The following CIT variants were observed in gnomAD, a reference collection of about 807,000 sequenced individuals.
The protein encoded by CIT is citron Rho-interacting kinase.
Under a neutral mutation model 272.7 loss-of-function variants are expected in CIT, and 79 were observed. The ratio of observed to expected loss-of-function variants is 0.29; its 90% CI spans 0.24 to 0.35. The LOEUF is 0.35. Among genes scored for constraint, CIT ranks in the 10% least tolerant of loss-of-function variants. The probability of loss-of-function intolerance (pLI) is 1.00; values close to 1 mark genes in which losing one functional copy is unlikely to be tolerated. For synonymous variants in CIT, 948 were observed against 995.6 expected, an observed-to-expected ratio of 0.95 and a Z score of 0.90; for missense variants, 1,909 against 2,618.3, an observed-to-expected ratio of 0.73 and a Z score of 5.91.
At chr12:119,738,337 T>C (rs902689667) in intron 24 of CIT, among the ~76,000 whole-genome samples, 15 of 152,104 alleles carry the variant, frequency 9.9e-5, no homozygotes, top group African/African-American at 3.6e-4. Context: ...CAAGGAAAAT[T>C]GTTAGGTCTA....
chr12:119,699,477 G>A (rs1389666340), intron 44 of CIT, among the ~76,000 whole-genome samples: 1 of 152,176 alleles, frequency 6.6e-6, no homozygotes, highest in Admixed American at 6.5e-5. Context: ...ATGGGCTCTG[G>A]TATGCGTGCC....
intron 19 of CIT, among the ~76,000 whole-genome samples, chr12:119,765,998 T>C (rs759325237): frequency 6.6e-6 from 1 of 152,148 alleles, no homozygotes; most frequent in Non-Finnish European, 1.5e-5. Flanking sequence ...CAAGTGTCCA[T>C]CAGCGGATGA....
intron 17 of CIT, 103 bp from the exon 18 acceptor site, chr12:119,771,013 G>A: frequency 1.0e-5 from 14 of 1,403,052 alleles, no homozygotes; most frequent in Non-Finnish European, 1.3e-5. Context: ...ACTCGAGTCA[G>A]GAAGAAAAGT....
At chr12:119,797,686 A>C (rs1045780281) in intron 10 of CIT, among the ~76,000 whole-genome samples, 1 of 152,236 alleles carries the variant, frequency 6.6e-6, no homozygotes, top group African/African-American at 2.4e-5. Flanking sequence ...GGTAGCAAGC[A>C]CAAGGACCAA....
At chr12:119,819,378 C>T (rs1967490938) in intron 9 of CIT, among the ~76,000 whole-genome samples, 1 of 152,148 alleles carries the variant, frequency 6.6e-6, no homozygotes, top group South Asian at 2.1e-4. Flanking sequence ...GAAGCTACGC[C>T]TGACCTCAGT....
Position 119,784,064 on chromosome 12 carries a change from C to T in CIT, c.1402-13G>A. 6.2e-7 allele frequency: 1 copy of T among 1,612,650 alleles called. No individual in the cohort carries two copies. The highest frequency in any genetic ancestry group is 8.5e-7 in the Non-Finnish European group (1 of 1,179,214). Reference sequence around the variant, plus strand: ...TTTCCTGCTCCATCTGAAATAAACACATCGACAGGTTAAAAAGGCCCGTGG... The same window carrying T: ...TTTCCTGCTCCATCTGAAATAAACATATCGACAGGTTAAAAAGGCCCGTGG... On this transcript the variant is annotated splice_polypyrimidine_tract_variant and intron_variant, in intron 11 of 47. Coordinates refer to ENST00000392521, the MANE Select transcript of CIT (RefSeq NM_001206999.2). The surrounding 1 kb of genome is among the most constrained non-coding windows in gnomAD (Gnocchi z 4.7).
chr12:119,759,816 C>G (rs140565853), intron 20 of CIT, among the ~76,000 whole-genome samples: 11 of 152,138 alleles, frequency 7.2e-5, no homozygotes, highest in African/African-American at 2.7e-4. Flanking sequence ...CAAAGTTTCC[C>G]CAACTTAAAA....
At chr12:119,776,452 T>C in intron 14 of CIT, 44 bp from the exon 15 acceptor site, 1 of 1,558,198 alleles carries the variant, frequency 6.4e-7, no homozygotes, top group Non-Finnish European at 8.8e-7. Flanking sequence ...CTCAACAACC[T>C]AAAAAAGTCG....
intron 4 of CIT, among the ~76,000 whole-genome samples, chr12:119,854,475 T>C (rs1970447066): frequency 6.8e-6 from 1 of 146,662 alleles, no homozygotes; most frequent in African/African-American, 2.5e-5. Flanking sequence ...CCGTCTCTAC[T>C]AAAAAGATAC....
rs1162434469 is a variant in CIT at position 119,770,039 on chromosome 12, G to A, written c.2208+746C>T. Among the ~76,000 whole-genome samples, 1 of 152,162 alleles carries A rather than the reference G, an allele frequency of 6.6e-6. No individual in the cohort carries two copies. Among genetic ancestry groups the A allele is most frequent in the Admixed American group, 6.5e-5 (1 of 15,282 alleles). Reference sequence around the variant, plus strand: ...TAGGAATGGACTCCAAGTCATCCTTGAGTCTCAAACATGATGTCAAATTTC... The same window carrying A: ...TAGGAATGGACTCCAAGTCATCCTTAAGTCTCAAACATGATGTCAAATTTC... On this transcript the variant is annotated intron_variant, in intron 18 of 47. Coordinates refer to ENST00000392521, the MANE Select transcript of CIT (RefSeq NM_001206999.2). The surrounding 1 kb of genome is among the most constrained non-coding windows in gnomAD (Gnocchi z 4.4).
intron 5 of CIT, among the ~76,000 whole-genome samples, chr12:119,844,178 T>A (rs139568961): frequency 1.5e-3 from 228 of 152,036 alleles, no homozygotes; most frequent in African/African-American, 5.2e-3. Flanking sequence ...CCCACCATCA[T>A]GCCTGGCTAA....
intron 9 of CIT, among the ~76,000 whole-genome samples, chr12:119,821,978 A>G (rs1180819337): frequency 6.6e-6 from 1 of 152,246 alleles, no homozygotes; most frequent in East Asian, 1.9e-4. Context: ...TGAAGGTGCA[A>G]GCAATTATAA....
chr12:119,813,779 C>T (rs1308804275), intron 9 of CIT, among the ~76,000 whole-genome samples: 1 of 152,188 alleles, frequency 6.6e-6, no homozygotes, highest in Non-Finnish European at 1.5e-5. Context: ...GGAAGCAGTC[C>T]TATGGAAATG....
At chr12:119,802,186 C>A (rs1966258064) in intron 10 of CIT, among the ~76,000 whole-genome samples, 1 of 152,042 alleles carries the variant, frequency 6.6e-6, no homozygotes, top group African/African-American at 2.4e-5. Flanking sequence ...AGCAACTAAC[C>A]CAACATTACC....
In CIT at chr12:119,717,834, C is replaced by CTTTTTTTTTTTTTTTTTTTT. The variant is rs546520444; in HGVS notation, c.4168+410_4168+411insAAAAAAAAAAAAAAAAAAAA. ...GGATGGGGAGCCAGGAGACTGACTT[C>CTTTTTTTTTTTTTTTTTTTT]TTTCTTTTTTTTTTTTTTTTTTTTG... On this transcript the variant is annotated intron_variant, in intron 32 of 47. Coordinates refer to ENST00000392521, the MANE Select transcript of CIT (RefSeq NM_001206999.2). Among the ~76,000 whole-genome samples the CTTTTTTTTTTTTTTTTTTTT allele has an allele frequency of 4.7e-4, 33 of 70,230 alleles. 2 individuals carry two copies. The highest frequency in any genetic ancestry group is 1.1e-3 in the African/African-American group (23 of 20,102). 46.1% of individuals were successfully genotyped at this position (70,230 alleles called of 152,430 possible).
At chr12:119,789,994 G>T (rs1000555153) in intron 10 of CIT, among the ~76,000 whole-genome samples, 4 of 151,922 alleles carry the variant, frequency 2.6e-5, no homozygotes, top group African/African-American at 9.7e-5. Flanking sequence ...GATTACAGGG[G>T]TGAGCCACTG....
At chr12:119,848,556 A>G (rs866324041) in intron 5 of CIT, among the ~76,000 whole-genome samples, 5 of 152,242 alleles carry the variant, frequency 3.3e-5, no homozygotes, top group Admixed American at 2.0e-4. Flanking sequence ...CTTATGATAT[A>G]TACACATCAG....
At chr12:119,861,509 C>G (rs1197134508) in intron 3 of CIT, among the ~76,000 whole-genome samples, 1 of 151,974 alleles carries the variant, frequency 6.6e-6, no homozygotes, top group African/African-American at 2.4e-5. Context: ...ATCGCTTGAA[C>G]CTGGGAGGCA....
intron 9 of CIT, among the ~76,000 whole-genome samples, chr12:119,811,987 C>T (rs536146622): frequency 6.7e-6 from 1 of 149,996 alleles, no homozygotes; most frequent in South Asian, 2.1e-4. Flanking sequence ...GCTCTTTTGC[C>T]CAGGTTGGAG....
Sources: allele counts gnomAD v4.1 joint callset (sites outside exome capture counted in the v4.1 genomes callset), GRCh38; gene constraint gnomAD v4.1.1; non-coding constraint Gnocchi (gnomAD v3.1); transcripts MANE v1.5; gene names NCBI Gene and HGNC (gene_info 2026-07-23, HGNC 2026-07-21).